The following GNAT3 variants were observed in gnomAD, a reference collection of about 807,000 sequenced individuals.
GNAT3 encodes guanine nucleotide-binding protein G(t) subunit alpha-3.
Under a neutral mutation model 37.7 loss-of-function variants are expected in GNAT3, and 31 were observed. That is an observed-to-expected ratio of 0.82 (90% confidence interval 0.62 to 1.11). GNAT3 has a LOEUF of 1.11. Among genes scored for constraint, GNAT3 ranks in the 50% most tolerant of loss-of-function variants. GNAT3 has a pLI of 0.00. For missense variants in GNAT3, 437 were observed against 412.5 expected, an observed-to-expected ratio of 1.06 and a Z score of -0.51; for synonymous variants, 138 against 139.8, an observed-to-expected ratio of 0.99 and a Z score of 0.09.
intron 4 of GNAT3, among the ~76,000 whole-genome samples, chr7:80,476,547 A>G (rs951926077): frequency 3.3e-5 from 5 of 151,016 alleles, no homozygotes; most frequent in African/African-American, 1.2e-4. Flanking sequence ...TATGTTGCCA[A>G]CTATGGCATT....
At chr7:80,467,943 A>C in intron 5 of GNAT3, among the ~76,000 whole-genome samples, 1 of 151,910 alleles carries the variant, frequency 6.6e-6, no homozygotes, top group East Asian at 1.9e-4. Flanking sequence ...TTATTTATTT[A>C]AGTTTTTTTT....
chr7:80,468,661 T>C (rs1790161780), intron 5 of GNAT3, among the ~76,000 whole-genome samples: 1 of 152,060 alleles, frequency 6.6e-6, no homozygotes, highest in Non-Finnish European at 1.5e-5. Context: ...GTTTCTGGTC[T>C]TGAAAACAGA....
At chr7:80,500,352 A>G (rs186556150) in intron 1 of GNAT3, among the ~76,000 whole-genome samples, 1 of 152,184 alleles carries the variant, frequency 6.6e-6, no homozygotes, top group Admixed American at 6.5e-5. Context: ...GAACCTCAAT[A>G]AAGATATTTA....
At chr7:80,505,515 C>T (rs1387974959) in intron 1 of GNAT3, among the ~76,000 whole-genome samples, 6 of 152,040 alleles carry the variant, frequency 3.9e-5, no homozygotes, top group South Asian at 2.1e-4. Flanking sequence ...TACAGGCGCC[C>T]GCCAACACGC....
At chr7:80,478,321 T>C (rs1200688256) in intron 4 of GNAT3, among the ~76,000 whole-genome samples, 1 of 152,230 alleles carries the variant, frequency 6.6e-6, no homozygotes, top group Non-Finnish European at 1.5e-5. Flanking sequence ...CAGTGAAATT[T>C]ATAGAATTTT....
chr7:80,499,351 C>T (rs867328801), intron 1 of GNAT3, among the ~76,000 whole-genome samples: 4 of 152,084 alleles, frequency 2.6e-5, no homozygotes, highest in Non-Finnish European at 5.9e-5. Flanking sequence ...ATTTTAAATG[C>T]ATTTTTTATA....
chr7:80,486,837 C>T (rs1380950152), intron 3 of GNAT3, among the ~76,000 whole-genome samples: 1 of 151,846 alleles, frequency 6.6e-6, no homozygotes, highest in Non-Finnish European at 1.5e-5. Context: ...CTATGAAAGA[C>T]ACAGTCTATT....
At chr7:80,509,555 T>G (rs1014214994) in intron 1 of GNAT3, among the ~76,000 whole-genome samples, 1 of 152,138 alleles carries the variant, frequency 6.6e-6, no homozygotes, top group African/African-American at 2.4e-5. Flanking sequence ...AATATTGCTC[T>G]TTCTTCTTGA....
intron 3 of GNAT3, among the ~76,000 whole-genome samples, chr7:80,481,789 A>T (rs1349474884): frequency 1.3e-5 from 2 of 152,084 alleles, no homozygotes; most frequent in Non-Finnish European, 2.9e-5. Flanking sequence ...ACATAATAAG[A>T]ACCTTGGTCT....
intron 1 of GNAT3, among the ~76,000 whole-genome samples, chr7:80,496,699 C>T (rs1367797190): frequency 6.6e-6 from 1 of 152,162 alleles, no homozygotes; most frequent in African/African-American, 2.4e-5. Context: ...CAAATGAATT[C>T]TTTGACTCAT....
In GNAT3 at chr7:80,458,722, T is replaced by C. The variant is rs144189518; in HGVS notation, c.1014A>G (p.Ala338=). 18,496 of 1,597,044 alleles carry C rather than the reference T, an allele frequency of 0.012. 150 individuals carry two copies. Among genetic ancestry groups the C allele is most frequent in the Non-Finnish European group, 0.014 (16,534 of 1,170,898 alleles). Residue 338 remains alanine, a synonymous_variant, in exon 8 of 8, where the codon GCA becomes GCG. Transcript: ENST00000398291. ...TCTCTTTGATTATTATATCTGTAAC[T>C]GCGTCAAACACAAACTTGACATTTT... ...DTQNVKFVFD[A]VTDIIIKENL...
chr7:80,466,483 CA>C (rs1480342874), intron 5 of GNAT3, among the ~76,000 whole-genome samples: 1 of 151,950 alleles, frequency 6.6e-6, no homozygotes, highest in Non-Finnish European at 1.5e-5. Flanking sequence ...GCAGAGTGAC[CA>C]AATATTTTAC....
chr7:80,474,401 T>G, intron 4 of GNAT3, 22 bp from the exon 5 acceptor site: 1 of 1,127,762 alleles, frequency 8.9e-7, no homozygotes, highest in Non-Finnish European at 1.3e-6. Flanking sequence ...AAAACAAAAT[T>G]ATATATGTGT....
chr7:80,486,431 T>C (rs1364369588), intron 3 of GNAT3: 1 of 151,676 alleles, frequency 6.6e-6, no homozygotes, highest in African/African-American at 2.4e-5. Flanking sequence ...AGACTTTTAC[T>C]AATAAATCTC....
At chr7:80,499,738 C>T (rs1346671013) in intron 1 of GNAT3, among the ~76,000 whole-genome samples, 1 of 152,168 alleles carries the variant, frequency 6.6e-6, no homozygotes, top group Non-Finnish European at 1.5e-5. Context: ...CAGCCCATCA[C>T]ATAGCTGGAT....
chr7:80,474,341 T>C lies in GNAT3; in HGVS notation c.500A>G (p.Tyr167Cys), dbSNP rs1372491368. The C allele has an allele frequency of 1.9e-6, 3 of 1,556,358 alleles. No individual in the cohort carries two copies. The highest frequency in any genetic ancestry group is 1.2e-5 in the South Asian group (1 of 84,998). ...NDLDRITASG[Y>C]VPNEQDVLHS... ...GAGAACATCTTGTTCATTTGGCACA[T>C]ACCCAGATGCTGTTATTCTATCTAA... Residue 167 changes from tyrosine (Y) to cysteine (C), a missense_variant, in exon 5 of 8, where the codon TAT (tyrosine) becomes TGT (cysteine). Transcript: ENST00000398291.
At chr7:80,489,309 GT>G (rs1392058705) in intron 2 of GNAT3, among the ~76,000 whole-genome samples, 1 of 152,054 alleles carries the variant, frequency 6.6e-6, no homozygotes, top group African/African-American at 2.4e-5. Flanking sequence ...GATTTTACTA[GT>G]AGTTTTCGAA....
chr7:80,485,184 A>G (rs780640380), intron 3 of GNAT3, among the ~76,000 whole-genome samples: 2 of 149,682 alleles, frequency 1.3e-5, no homozygotes, highest in Non-Finnish European at 3.0e-5. Context: ...TTTTTTTTTA[A>G]CACTCTTCCC....
At chr7:80,472,957 A>C (rs979436786) in intron 5 of GNAT3, among the ~76,000 whole-genome samples, 16 of 152,196 alleles carry the variant, frequency 1.1e-4, no homozygotes, top group African/African-American at 3.9e-4. Context: ...TGGAGAAAAG[A>C]AAGAGTAAGA....
Sources: gnomAD v4.1 joint callset for allele counts (sites outside exome capture counted in the v4.1 genomes callset) on GRCh38, gnomAD v4.1.1 for gene constraint, MANE v1.5 for transcripts, NCBI Gene and HGNC (gene_info 2026-07-23, HGNC 2026-07-21) for gene names.